Variants in HTT observed in about 807,000 individuals in gnomAD.
HTT encodes the protein huntingtin, also known as huntington disease protein.
Under a neutral mutation model 362.3 loss-of-function variants are expected in HTT, and 104 were observed. The ratio of observed to expected loss-of-function variants is 0.29; its 90% CI spans 0.24 to 0.34. The LOEUF is 0.34. Ranked by LOEUF, HTT falls within the 10% of genes least tolerant of loss-of-function variation. The pLI is 1.00. For synonymous variants in HTT, 1,577 were observed against 1,548.7 expected, an observed-to-expected ratio of 1.02 and a Z score of -0.43; for missense variants, 3,301 against 3,928.6, an observed-to-expected ratio of 0.84 and a Z score of 4.27.
At chr4:3,175,496 T>C (rs1378029097) in intron 33 of HTT, among the ~76,000 whole-genome samples, 1 of 152,242 alleles carries the variant, frequency 6.6e-6, no homozygotes, top group Admixed American at 6.5e-5. Context: ...ATTACCATAA[T>C]TGATCATCTG....
rs940579057 is a variant in HTT, at chr4:3,195,679, T to A, written c.5369-4053T>A. ...CTACTGTAACAAATAAACCAACATTTCCATGGCTTCACACCAGAGAAGGTT... is the reference window on the plus strand; with the variant it reads ...CTACTGTAACAAATAAACCAACATTACCATGGCTTCACACCAGAGAAGGTT... On this transcript the variant is annotated intron_variant, in intron 40 of 66. Transcript: ENST00000355072. Among the ~76,000 whole-genome samples, 6 of 152,198 alleles carry A rather than the reference T, an allele frequency of 3.9e-5. No individual in the cohort carries two copies. In the East Asian group the frequency reaches 1.2e-3, roughly 29 times the overall value.
chr4:3,155,075 A>C (rs1338267855), intron 27 of HTT, among the ~76,000 whole-genome samples: 1 of 152,076 alleles, frequency 6.6e-6, no homozygotes, highest in African/African-American at 2.4e-5. Flanking sequence ...TGCCTCTGCT[A>C]TCTGGGACGC....
At position 3,228,741 on chromosome 4, in the gene HTT, T is replaced by C; in HGVS notation, c.7975T>C (p.Ser2659Pro). The C allele has an allele frequency of 6.3e-7, 1 of 1,582,862 alleles. No homozygotes were observed. Among genetic ancestry groups the C allele is most frequent in the Non-Finnish European group, 8.6e-7 (1 of 1,163,366 alleles). ...GTCACCACCCACGTCTCCAGTCAAC[T>C]CCAGGTTTTCCAATGGCCTTTTTCT... ...PSSPPTSPVN[S>P]RKHRAGVDIH... The change falls in exon 58 of 67, where the codon TCC becomes CCC. Residue 2659 changes from serine to proline, a missense_variant. Physicochemically the swap from Ser to Pro is moderately conservative, Grantham distance 74. Transcript: ENST00000355072. This position sits in a 1 kb window ranked among gnomAD's most constrained non-coding sequence, Gnocchi z 4.3.
chr4:3,220,108 G>C, intron 52 of HTT, 74 bp from the exon 53 acceptor site: 1 of 1,559,792 alleles, frequency 6.4e-7, no homozygotes, highest in Non-Finnish European at 8.8e-7. Flanking sequence ...GAGAGAAGTC[G>C]GGCTTCCTGC....
intron 21 of HTT, among the ~76,000 whole-genome samples, chr4:3,136,944 CAG>C (rs1472155206): frequency 6.7e-6 from 1 of 150,000 alleles, no homozygotes; most frequent in Non-Finnish European, 1.5e-5. Flanking sequence ...TTTTTTGAGA[CAG>C]AGTCCTGCTC....
At chr4:3,230,901 A>G (rs750593334) in intron 60 of HTT, among the ~76,000 whole-genome samples, 6 of 152,216 alleles carry the variant, frequency 3.9e-5, no homozygotes, top group Non-Finnish European at 8.8e-5. Context: ...AGAAACATTC[A>G]GACCATCCCA....
At chr4:3,231,566 C>G (rs1721253591) in intron 60 of HTT, among the ~76,000 whole-genome samples, 1 of 152,210 alleles carries the variant, frequency 6.6e-6, no homozygotes, top group Admixed American at 6.5e-5. Context: ...TGCCTAGACT[C>G]TGTCCTCCCC....
chr4:3,122,922 C>G lies in HTT; in HGVS notation c.1307C>G (p.Ser436Ter). ...GGTTCCTCATGCAGCCCTGTCCTTT[C>G]AAGAAAACAAAAAGGTGATTATTTC... The part of the protein sequence containing the change: ...GGGSSCSPVL[S>*]RKQKGKVLLG... The change falls in exon 10 of 67, where the codon TCA becomes TGA. Residue 436 changes from serine to a stop codon, truncating the protein, a stop_gained. Coordinates refer to ENST00000355072, the MANE Select transcript of HTT (RefSeq NM_001388492.1). LOFTEE classifies it high-confidence loss of function. 6.2e-7 allele frequency: 1 copy of G among 1,610,334 alleles called. No homozygotes were observed. The highest frequency in any genetic ancestry group is 8.5e-7 in the Non-Finnish European group (1 of 1,178,118).
chr4:3,225,335 A>C (rs1720862174), intron 56 of HTT, among the ~76,000 whole-genome samples: 1 of 152,182 alleles, frequency 6.6e-6, no homozygotes, highest in South Asian at 2.1e-4. Context: ...CTGACTCCTA[A>C]GCTTTTGCAG....
intron 29 of HTT, among the ~76,000 whole-genome samples, chr4:3,170,573 G>C (rs940320899): frequency 2.0e-5 from 3 of 152,168 alleles, no homozygotes; most frequent in Non-Finnish European, 2.9e-5. Flanking sequence ...AGCTCTCTCT[G>C]TCTTGTTTTC....
intron 16 of HTT, 30 bp downstream of exon 16, chr4:3,131,805 C>T (rs1362232777): frequency 6.3e-7 from 1 of 1,586,166 alleles, no homozygotes; most frequent in African/African-American, 1.4e-5. Flanking sequence ...CTTATTTTCT[C>T]AGATTTAATC....
At chr4:3,109,745 G>GGGA (rs1204800362) in intron 6 of HTT, among the ~76,000 whole-genome samples, 19 of 152,176 alleles carry the variant, frequency 1.2e-4, no homozygotes, top group African/African-American at 4.6e-4. Flanking sequence ...AGAGGACCTG[G>GGGA]GGAGGAGGAG....
intron 36 of HTT, among the ~76,000 whole-genome samples, chr4:3,181,299 A>G (rs746596772): frequency 3.9e-5 from 6 of 152,248 alleles, no homozygotes; most frequent in South Asian, 2.1e-4. Context: ...CCAAAAATCA[A>G]TTGACAGTGT....
At chr4:3,239,762 GT>G in intron 66 of HTT, 83 bp from the exon 67 acceptor site, 1 of 1,156,578 alleles carries the variant, frequency 8.6e-7, no homozygotes, top group Non-Finnish European at 1.3e-6. Flanking sequence ...TTTGTAGACT[GT>G]TTCAGGAGAG....
chr4:3,103,220 A>ATTT (rs1445444962), intron 3 of HTT, among the ~76,000 whole-genome samples: 2 of 98,382 alleles, frequency 2.0e-5, no homozygotes, highest in African/African-American at 4.7e-5. Context: ...CTATATATAT[A>ATTT]ATTTTTTTTT....
At chr4:3,084,602 AC>A (rs1380475645) in intron 1 of HTT, among the ~76,000 whole-genome samples, 2 of 151,624 alleles carry the variant, frequency 1.3e-5, no homozygotes, top group Non-Finnish European at 1.5e-5. Context: ...AGGCAAGAGA[AC>A]TGCTTGAACC....
rs2110262069 is a variant in HTT, at chr4:3,199,778, T to C, written c.5415T>C (p.Ser1805=). 6.2e-7 allele frequency: 1 copy of C among 1,614,212 alleles called. No homozygotes were observed. The highest frequency in any genetic ancestry group is 2.2e-5 in the East Asian group (1 of 44,888). The change falls in exon 41 of 67, where the codon AGT becomes AGC. Residue 1805 remains serine, a synonymous_variant. Transcript: ENST00000355072. The stretch of plus-strand genomic sequence containing the variant: ...CAGCTGCCACTAGGCTGTTCCGCAG[T>C]GATGGCTGTGGCGGCAGTTTCTACA... ...ITAAATRLFR[S]DGCGGSFYTL...
At position 3,178,436 on chromosome 4, in the gene HTT, T is replaced by C. The variant is rs767143652; in HGVS notation, c.4602T>C (p.Ala1534=). Residue 1534 remains alanine (A), a synonymous_variant, in exon 35 of 67, where the codon GCT becomes GCC. Transcript: ENST00000355072. ...CDGIMASGRK[A]VTHAIPALQP... ...GCATCATGGCCAGTGGAAGGAAGGCTGTGACACATGGTAACGGGACACACC... is the reference window on the plus strand; with the variant it reads ...GCATCATGGCCAGTGGAAGGAAGGCCGTGACACATGGTAACGGGACACACC... The C allele has an allele frequency of 1.9e-6, 3 of 1,613,704 alleles. No homozygotes were observed. The African/African-American group carries it at 4.0e-5, about 22-fold the overall frequency.
chr4:3,141,698 G>T (rs567498873), intron 22 of HTT, among the ~76,000 whole-genome samples: 1 of 152,292 alleles, frequency 6.6e-6, no homozygotes, highest in Non-Finnish European at 1.5e-5. Flanking sequence ...GGAGGCAGAG[G>T]TTGCAGTGAG....
Sources: gnomAD v4.1 joint callset for allele counts (sites outside exome capture counted in the v4.1 genomes callset) on GRCh38, gnomAD v4.1.1 for gene constraint, Gnocchi (gnomAD v3.1) non-coding constraint, MANE v1.5 for transcripts, NCBI Gene and HGNC (gene_info 2026-07-23, HGNC 2026-07-21) for gene names.